Variants in TACR1 observed in about 807,000 individuals in gnomAD.
The protein encoded by TACR1 is tachykinin receptor 1, also known as substance-P receptor.
In TACR1, 25 loss-of-function variants were observed where a neutral mutation model predicts 35.8. The observed-to-expected ratio is 0.70, with a 90% CI of 0.51 to 0.98. The LOEUF (loss-of-function observed/expected upper bound fraction) is 0.98. Among genes scored for constraint, TACR1 ranks in the 50% least tolerant of loss-of-function variants. TACR1 has a pLI of 0.00. For synonymous variants in TACR1, 195 were observed against 206.7 expected (o/e 0.94, Z 0.48); for missense variants, 478 against 522.9 (o/e 0.91, Z 0.84).
chr2:75,131,253 T>C (rs1056789089), intron 1 of TACR1, among the ~76,000 whole-genome samples: 1 of 152,092 alleles, frequency 6.6e-6, no homozygotes, highest in Non-Finnish European at 1.5e-5. Flanking sequence ...CATGCTTGGC[T>C]AATTTTTTGT....
Position 75,094,859 on chromosome 2 carries a change from A to ATATATATTT in TACR1, c.584+25714_584+25715insAAATATATA. Among the ~76,000 whole-genome samples the ATATATATTT allele has an allele frequency of 2.0e-3, 227 of 113,084 alleles. 9 individuals carry two copies. The highest frequency in any genetic ancestry group is 0.01 in the African/African-American group (210 of 20,838). The allele number at this position is 113,084 out of a possible 152,430, so 74.2% of individuals were successfully genotyped here. On this transcript the variant is annotated intron_variant, in intron 2 of 4. Coordinates refer to ENST00000305249, the MANE Select transcript of TACR1 (RefSeq NM_001058.4). The stretch of plus-strand genomic sequence containing the variant: ...GAAACATATATATATATATATATAT[A>ATATATATTT]TTTTTTTTTTTTTTGCCCAAGATGG...
chr2:75,078,667 G>A (rs139162335), intron 2 of TACR1, among the ~76,000 whole-genome samples: 35 of 152,230 alleles, frequency 2.3e-4, no homozygotes, highest in African/African-American at 8.4e-4. Flanking sequence ...GAACAAACAC[G>A]AAACTGTGCC....
chr2:75,138,766 A>AT (rs71948771), intron 1 of TACR1, among the ~76,000 whole-genome samples: 44,994 of 148,966 alleles, frequency 0.3, 7,421 homozygotes, highest in Non-Finnish European at 0.39. Context: ...TACTCATTCA[A>AT]TCATTCATTC....
At chr2:75,065,321 C>T (rs1672742460) in intron 2 of TACR1, among the ~76,000 whole-genome samples, 1 of 152,224 alleles carries the variant, frequency 6.6e-6, no homozygotes, top group African/African-American at 2.4e-5. Flanking sequence ...TTTTAAACCA[C>T]TGTAGCATGA....
At chr2:75,191,043 A>G (rs1675831717) in intron 1 of TACR1, among the ~76,000 whole-genome samples, 1 of 152,164 alleles carries the variant, frequency 6.6e-6, no homozygotes, top group African/African-American at 2.4e-5. Flanking sequence ...GTATGTCTCC[A>G]GGTCATCATA....
chr2:75,185,446 A>AT (rs1432980631), intron 1 of TACR1, among the ~76,000 whole-genome samples: 10 of 152,060 alleles, frequency 6.6e-5, no homozygotes, highest in Non-Finnish European at 1.3e-4. Context: ...AATATAAAAA[A>AT]TTTTTATATC....
intron 2 of TACR1, among the ~76,000 whole-genome samples, chr2:75,058,050 T>C (rs554552614): frequency 6.6e-6 from 1 of 152,266 alleles, no homozygotes; most frequent in South Asian, 2.1e-4. Flanking sequence ...AAAAGGCAGA[T>C]TTGATCCTTG....
intron 2 of TACR1, among the ~76,000 whole-genome samples, chr2:75,070,209 CATT>C (rs1189504209): frequency 3.3e-5 from 5 of 150,202 alleles, no homozygotes; most frequent in African/African-American, 1.2e-4. Flanking sequence ...CTACCCCCAA[CATT>C]GTATGTATGT....
At chr2:75,153,058 C>CCAT (rs1247107129) in intron 1 of TACR1, among the ~76,000 whole-genome samples, 1 of 152,138 alleles carries the variant, frequency 6.6e-6, no homozygotes, top group Non-Finnish European at 1.5e-5. Context: ...TGCACCACCA[C>CCAT]GCCTGGCTAA....
chr2:75,053,277 A>G (rs1672505058), intron 3 of TACR1, among the ~76,000 whole-genome samples: 1 of 152,122 alleles, frequency 6.6e-6, no homozygotes. Context: ...TGTTTGAACC[A>G]CGTGAATGTA....
chr2:75,123,522 T>G (rs965933225), intron 1 of TACR1, among the ~76,000 whole-genome samples: 1 of 152,198 alleles, frequency 6.6e-6, no homozygotes, highest in African/African-American at 2.4e-5. Flanking sequence ...AATTGCAATT[T>G]GGGAACGCAC....
At chr2:75,132,352 C>A (rs61188321) in intron 1 of TACR1, among the ~76,000 whole-genome samples, 292 of 152,196 alleles carry the variant, frequency 1.9e-3, no homozygotes, top group African/African-American at 6.7e-3. Context: ...TTGGATCTTC[C>A]AGTTCACTGA....
In TACR1 at chr2:75,046,582, A is replaced by C. The variant is rs1013771391; in HGVS notation, c.*2850T>G. ...TACTCCTCTCCTCACAAATCAGGCC[A>C]ATGAGGTCAGTTCCTGAGTCCCCTT... On this transcript the variant is annotated 3_prime_UTR_variant, in exon 5 of 5. Transcript: ENST00000305249. 1 of 152,164 alleles carries C rather than the reference A, an allele frequency of 6.6e-6. No individual in the cohort carries two copies. Among genetic ancestry groups the C allele is most frequent in the African/African-American group, 2.4e-5 (1 of 41,430 alleles). The allele number at this position is 152,164 out of a possible 1,614,324, so 9.4% of individuals were successfully genotyped here. A position where few individuals can be genotyped will look rare whatever the true frequency, so the allele number is the denominator to read the frequency against.
chr2:75,168,023 T>C lies in TACR1; in HGVS notation c.389+30523A>G, dbSNP rs151256937. Reference sequence around the variant, plus strand: ...AGTTCAGAACTCTCAAGAAGTAAATTCACCAACATGTCAAGAGTTTTGGTA... The same window carrying C: ...AGTTCAGAACTCTCAAGAAGTAAATCCACCAACATGTCAAGAGTTTTGGTA... On this transcript the variant is annotated intron_variant, in intron 1 of 4. Coordinates refer to ENST00000305249, the MANE Select transcript of TACR1 (RefSeq NM_001058.4). 3.0e-4 allele frequency among the ~76,000 whole-genome samples: 46 copies of C among 152,296 alleles called. No individual in the cohort carries two copies. The East Asian group carries it at 6.0e-3, about 20-fold the overall frequency.
At chr2:75,142,817 G>A (rs967998917) in intron 1 of TACR1, among the ~76,000 whole-genome samples, 1 of 152,166 alleles carries the variant, frequency 6.6e-6, no homozygotes, top group Non-Finnish European at 1.5e-5. Flanking sequence ...TAAATATATG[G>A]ATTCCTGGGC....
At chr2:75,189,005 T>C (rs1452935206) in intron 1 of TACR1, 1 of 152,240 alleles carries the variant, frequency 6.6e-6, no homozygotes, top group Non-Finnish European at 1.5e-5. Flanking sequence ...TGATTCTTTT[T>C]TCTTTTTGGT....
At chr2:75,137,217 C>T (rs1674310368) in intron 1 of TACR1, among the ~76,000 whole-genome samples, 1 of 152,134 alleles carries the variant, frequency 6.6e-6, no homozygotes, top group African/African-American at 2.4e-5. Flanking sequence ...TTTCAAACAA[C>T]ACATTCCAGG....
Position 75,064,037 on chromosome 2 carries a change from C to G in TACR1, c.585-10282G>C, listed in dbSNP as rs143442917. Among the ~76,000 whole-genome samples, 47 of 151,662 alleles carry G rather than the reference C, an allele frequency of 3.1e-4. 1 individual carries two copies. The highest frequency in any genetic ancestry group is 1.1e-3 in the African/African-American group (45 of 41,268). ...AAGTGTAGTGGTGAATGTTGTTGGT[C>G]TGCCTTGGACCTCATGGCCCCCTTA... On this transcript the variant is annotated intron_variant, in intron 2 of 4. Transcript: ENST00000305249.
In TACR1 at chr2:75,154,479, ACTAACCCAC is replaced by A. The variant is rs1558572507; in HGVS notation, c.390-33720_390-33712del. On this transcript the variant is annotated intron_variant, in intron 1 of 4. Coordinates refer to ENST00000305249, the MANE Select transcript of TACR1 (RefSeq NM_001058.4). ...TGAAGAAACCCAGTGGAGATTCAGC[ACTAACCCAC>A]CACACACACACACACACACACACAC... The A allele has an allele frequency of 2.9e-3, 146 of 50,848 alleles. 8 individuals are homozygous for A. The highest frequency in any genetic ancestry group is 3.7e-3 in the African/African-American group (48 of 12,896). The allele number at this position is 50,848 out of a possible 1,614,324, so 3.1% of individuals were successfully genotyped here.
Sources: gnomAD v4.1 joint callset for allele counts (sites outside exome capture counted in the v4.1 genomes callset) on GRCh38, gnomAD v4.1.1 for gene constraint, MANE v1.5 for transcripts, NCBI Gene and HGNC (gene_info 2026-07-23, HGNC 2026-07-21) for gene names.